CCDC7: variants seen among roughly 807,000 people sequenced by gnomAD.
CCDC7 encodes the protein coiled-coil domain containing 7, also known as coiled-coil domain-containing protein 7.
Under a neutral mutation model 196.9 loss-of-function variants are expected in CCDC7, and 183 were observed. That is an observed-to-expected ratio of 0.93 (90% CI 0.82 to 1.05). The LOEUF (loss-of-function observed/expected upper bound fraction) is 1.05, where lower values mean the gene tolerates loss of function less well. Among genes scored for constraint, CCDC7 ranks in the 50% least tolerant of loss-of-function variants. The probability of loss-of-function intolerance (pLI) is 0.00; values close to 1 mark genes in which losing one functional copy is unlikely to be tolerated. For missense variants in CCDC7, 1,540 were observed against 1,482.2 expected (o/e 1.04, Z -0.64); for synonymous variants, 525 against 484.6 (o/e 1.08, Z -1.10).
At chr10:32,844,882 G>GCA (rs1294800889) in intron 33 of CCDC7, among the ~76,000 whole-genome samples, 1 of 151,354 alleles carries the variant, frequency 6.6e-6, no homozygotes, top group African/African-American at 2.4e-5. Context: ...CACTACACAT[G>GCA]CACACACACA....
intron 29 of CCDC7, among the ~76,000 whole-genome samples, chr10:32,787,372 A>G (rs72782286): frequency 0.11 from 17,194 of 152,186 alleles, 1,166 homozygotes; most frequent in South Asian, 0.27. Flanking sequence ...CAGTTTGAAC[A>G]GCTATCTACA....
At chr10:32,599,231 T>C (rs1422641733) in intron 18 of CCDC7, among the ~76,000 whole-genome samples, 1 of 152,126 alleles carries the variant, frequency 6.6e-6, no homozygotes, top group Non-Finnish European at 1.5e-5. Context: ...CCATGCCAGA[T>C]TTTTTTTGTT....
intron 28 of CCDC7, among the ~76,000 whole-genome samples, chr10:32,750,817 TG>T (rs2075541844): frequency 6.6e-6 from 1 of 152,176 alleles, no homozygotes; most frequent in East Asian, 1.9e-4. Context: ...ATCATTCAGG[TG>T]ATGAAAATGT....
At chr10:32,879,943 G>A (rs913920612), downstream of CCDC7, among the ~76,000 whole-genome samples, 1 of 151,952 alleles carries the variant, frequency 6.6e-6, no homozygotes, top group Non-Finnish European at 1.5e-5. Flanking sequence ...TCTTTATCCA[G>A]TCTACCACTG....
rs571597655 is a variant in CCDC7 at position 32,566,747 on chromosome 10, A to G, written c.1198-923A>G. ...GGCAACATAGTGAAACCCTGTCTCTATTAAAAATACAAAAACTGACTGGGT... is the reference window on the plus strand; with the variant it reads ...GGCAACATAGTGAAACCCTGTCTCTGTTAAAAATACAAAAACTGACTGGGT... On this transcript the variant is annotated intron_variant, in intron 14 of 41. Coordinates refer to ENST00000639629, the Ensembl canonical transcript of CCDC7. Among the ~76,000 whole-genome samples, 222 of 151,630 alleles carry G rather than the reference A, an allele frequency of 1.5e-3. 1 individual carries two copies. The highest frequency in any genetic ancestry group is 5.1e-3 in the African/African-American group (211 of 41,386).
intron 26 of CCDC7, 149 bp from the exon 28 acceptor site, chr10:32,728,738 C>T (rs1592114600): frequency 2.1e-6 from 1 of 472,210 alleles, no homozygotes; most frequent in African/African-American, 2.0e-5. Flanking sequence ...TTAGCTTCCA[C>T]AGCAGCCATT....
At chr10:32,705,437 C>T (rs1174434397) in intron 24 of CCDC7, among the ~76,000 whole-genome samples, 1 of 152,060 alleles carries the variant, frequency 6.6e-6, no homozygotes, top group Non-Finnish European at 1.5e-5. Context: ...CAGCTAACAT[C>T]AAAATGACAG....
rs2077248012 is a variant in CCDC7, at chr10:32,760,391, T to G, written c.2906-18586T>G. Among the ~76,000 whole-genome samples the G allele has an allele frequency of 2.0e-5, 3 of 152,018 alleles. No individual in the cohort carries two copies. In the South Asian group the frequency reaches 6.3e-4, roughly 32 times the overall value. On this transcript the variant is annotated intron_variant, in intron 28 of 41. Transcript: ENST00000639629. ...CTGGATTAAGAAAATGTGGCACATA[T>G]ACACCATGGAATACTATGCAGCCAT...
chr10:32,695,255 G>T (rs1357436426), intron 24 of CCDC7, among the ~76,000 whole-genome samples: 1 of 152,190 alleles, frequency 6.6e-6, no homozygotes, highest in Non-Finnish European at 1.5e-5. Flanking sequence ...AAGGGTGTTT[G>T]CTTTCAGCCA....
At chr10:32,799,586 G>T (rs1168548401) in intron 29 of CCDC7, among the ~76,000 whole-genome samples, 1 of 152,188 alleles carries the variant, frequency 6.6e-6, no homozygotes, top group South Asian at 2.1e-4. Context: ...GGGGCCAAAT[G>T]CAGCAACTTA....
chr10:32,451,112 A>G (rs12414205), upstream of CCDC7, among the ~76,000 whole-genome samples: 17,337 of 152,250 alleles, frequency 0.11, 1,195 homozygotes, highest in South Asian at 0.27. Flanking sequence ...TATAAGTCCT[A>G]TAGGTAAAAT....
chr10:32,448,463 C>T (rs2032053461), upstream of CCDC7, among the ~76,000 whole-genome samples: 1 of 152,014 alleles, frequency 6.6e-6, no homozygotes, highest in Middle Eastern at 3.2e-3. Context: ...TTGTTATCTG[C>T]TGTCCATATG....
chr10:32,855,750 C>A (rs957955878), intron 41 of CCDC7, among the ~76,000 whole-genome samples: 2 of 152,100 alleles, frequency 1.3e-5, no homozygotes, highest in Admixed American at 1.3e-4. Context: ...GAGACCCTGC[C>A]CCTATAAGGG....
At chr10:32,544,328 C>T in intron 13 of CCDC7, 27 bp downstream of exon 14, 1 of 1,589,462 alleles carries the variant, frequency 6.3e-7, no homozygotes, top group Non-Finnish European at 8.6e-7. Flanking sequence ...CTCTATGCAT[C>T]AATATTTGAT....
rs566007208 is a variant in CCDC7, at chr10:32,851,758, T to C, written c.3896-49T>C. On this transcript the variant is annotated intron_variant, in intron 39 of 41. Transcript: ENST00000639629. ...ATACTGTGTGAGTATTAAAAATAAT[T>C]ACAAATGTCATCTATTGTATGGCTA... 6.5e-6 allele frequency: 10 copies of C among 1,531,166 alleles called. No individual in the cohort carries two copies. In the South Asian group the frequency reaches 1.2e-4, roughly 18 times the overall value. The allele number at this position is 1,531,166 out of a possible 1,614,324, so 94.8% of individuals were successfully genotyped here.
intron 28 of CCDC7, among the ~76,000 whole-genome samples, chr10:32,772,013 G>A (rs1165703151): frequency 6.6e-6 from 1 of 152,174 alleles, no homozygotes; most frequent in Non-Finnish European, 1.5e-5. Flanking sequence ...GATTTCATAG[G>A]CAATGGGCAG....
exon 1 of CCDC7, chr10:32,451,794 T>C (rs148965260): frequency 5.4e-4 from 871 of 1,614,108 alleles, no homozygotes; most frequent in Non-Finnish European, 6.6e-4. Flanking sequence ...ATTGAACCAA[T>C]GGTCCTAAGA....
At chr10:32,720,273 TCAGCAAACTAACA>T (rs1174597853) in intron 25 of CCDC7, among the ~76,000 whole-genome samples, 3 of 152,232 alleles carry the variant, frequency 2.0e-5, no homozygotes, top group Middle Eastern at 3.4e-3. Flanking sequence ...ACCATCATTC[TCAGCAAACTAACA>T]CAGCAAACTA....
chr10:32,676,983 C>T (rs565244080), intron 21 of CCDC7, among the ~76,000 whole-genome samples: 25 of 151,678 alleles, frequency 1.6e-4, no homozygotes, highest in East Asian at 9.7e-4. Flanking sequence ...TGTCCAACAA[C>T]GATAGACTGG....
Sources: allele counts gnomAD v4.1 joint callset (sites outside exome capture counted in the v4.1 genomes callset), GRCh38; gene constraint gnomAD v4.1.1; transcripts MANE v1.5; gene names NCBI Gene and HGNC (gene_info 2026-07-23, HGNC 2026-07-21).